ADH7: variants seen among roughly 807,000 people sequenced by gnomAD.
ADH7 encodes the protein all-trans-retinol dehydrogenase [NAD(+)] ADH7.
ADH7 carries 41 observed loss-of-function variants against 34.4 expected under a neutral mutation model. That is an observed-to-expected ratio of 1.19 (90% CI 0.93 to 1.55). ADH7 has a LOEUF of 1.55. Ranked by LOEUF, ADH7 falls within the 40% of genes most tolerant of loss-of-function variation. The pLI, the probability that ADH7 is intolerant of heterozygous loss-of-function variation, is 0.00. For synonymous variants in ADH7, 180 were observed against 160.9 expected (o/e 1.12, Z -0.90); for missense variants, 540 against 461.2 (o/e 1.17, Z -1.56).
intron 7 of ADH7, among the ~76,000 whole-genome samples, chr4:99,418,243 T>A (rs1721567851): frequency 6.6e-6 from 1 of 152,210 alleles, no homozygotes; most frequent in African/African-American, 2.4e-5. Flanking sequence ...TGTTTTTGTA[T>A]CCTTCGCTAC....
At chr4:99,424,388 G>A (rs374303152) in intron 5 of ADH7, among the ~76,000 whole-genome samples, 24 of 151,992 alleles carry the variant, frequency 1.6e-4, no homozygotes, top group Non-Finnish European at 2.5e-4. Context: ...ATATGAACTT[G>A]AAAGTAGTTT....
In ADH7 at chr4:99,415,488, A is replaced by T; in HGVS notation, c.1090T>A (p.Ser364Thr). The change falls in exon 8 of 9, where the codon TCA becomes ACA. Residue 364 changes from serine to threonine, a missense_variant. Coordinates refer to ENST00000437033, the MANE Select transcript of ADH7 (RefSeq NM_000673.7). ...ATAAGAAACAGTTACCTTTGTCCTGAATTGAGCAGCTCAAATCCTTCACTG... is the reference window on the plus strand; with the variant it reads ...ATAAGAAACAGTTACCTTTGTCCTGTATTGAGCAGCTCAAATCCTTCACTG... ...KISEGFELLN[S>T]GQSIRTVLTF is the part of the protein sequence containing the mutation. The T allele has an allele frequency of 6.2e-7, 1 of 1,612,522 alleles. No homozygotes were observed. The highest frequency in any genetic ancestry group is 1.1e-5 in the South Asian group (1 of 90,708).
chr4:99,420,676 T>A lies in ADH7; in HGVS notation c.682A>T (p.Lys228Ter), dbSNP rs752766164. Reference sequence around the variant, plus strand: ...CCTACAGCCATGGCCTTCTCAAATTTGTCTTTGTTGAGGTCAATCCCAATG... The same window carrying A: ...CCTACAGCCATGGCCTTCTCAAATTAGTCTTTGTTGAGGTCAATCCCAATG... ...RIIGIDLNKDKFEKAMAVGAT... is the reference protein window; with the variant it reads ...RIIGIDLNKD The change falls in exon 6 of 9, where the codon AAA becomes TAA. Residue 228 changes from lysine (K) to a stop codon, truncating the protein, a stop_gained. Coordinates refer to ENST00000437033, the MANE Select transcript of ADH7 (RefSeq NM_000673.7). LOFTEE classifies it high-confidence loss of function. The A allele has an allele frequency of 6.2e-7, 1 of 1,613,832 alleles. No homozygotes were observed. The highest frequency in any genetic ancestry group is 1.1e-5 in the South Asian group (1 of 91,082).
chr4:99,428,574 C>T lies in ADH7; in HGVS notation c.177G>A (p.Val59=). The change falls in exon 3 of 9, where the codon GTG becomes GTA. Residue 59 remains valine (V), a synonymous_variant. Transcript: ENST00000437033. The part of the protein sequence containing the change: ...TDDHVIKGTM[V]SKFPVIVGHE... ...GTCCCACAATCACTGGAAACTTGGA[C>T]ACCATTGTTCCTTTTATCACATGGT... is the stretch of plus-strand genomic sequence containing the variant. The T allele has an allele frequency of 6.2e-7, 1 of 1,613,902 alleles. No individual in the cohort carries two copies. The highest frequency in any genetic ancestry group is 8.5e-7 in the Non-Finnish European group (1 of 1,179,856).
chr4:99,416,207 A>G (rs1721512149), intron 7 of ADH7, among the ~76,000 whole-genome samples: 2 of 152,272 alleles, frequency 1.3e-5, no homozygotes, highest in South Asian at 4.2e-4. Context: ...ATCTCCTTCC[A>G]GTCACCCCAT....
intron 5 of ADH7, among the ~76,000 whole-genome samples, chr4:99,424,238 A>G (rs1383080583): frequency 6.6e-6 from 1 of 152,176 alleles, no homozygotes; most frequent in African/African-American, 2.4e-5. Context: ...ATTGATCTAC[A>G]TCTCTGTTTT....
At position 99,412,997 on chromosome 4, in the gene ADH7, T is replaced by C. The variant is rs1721440608; in HGVS notation, c.*151A>G. 7.4e-6 allele frequency: 5 copies of C among 678,062 alleles called. No homozygotes were observed. The highest frequency in any genetic ancestry group is 2.2e-5 in the South Asian group (1 of 44,840). 42.0% of individuals were successfully genotyped at this position (678,062 alleles called of 1,614,324 possible). On this transcript the variant is annotated 3_prime_UTR_variant, in exon 9 of 9. Transcript: ENST00000437033. ...ACAAGACTTTAAATGTTTATAAAGG[T>C]TAATAATTCTTTATAAGGGTTCTAT...
At chr4:99,417,018 G>A (rs1262540755) in intron 7 of ADH7, among the ~76,000 whole-genome samples, 2 of 152,086 alleles carry the variant, frequency 1.3e-5, no homozygotes, top group African/African-American at 2.4e-5. Context: ...TCTTCAAAAT[G>A]TATCCAAGAG....
chr4:99,415,479 T>C lies in ADH7; in HGVS notation c.1099A>G (p.Ser367Gly), dbSNP rs986687026. 6.8e-6 allele frequency: 11 copies of C among 1,610,840 alleles called. No individual in the cohort carries two copies. The highest frequency in any genetic ancestry group is 8.5e-6 in the Non-Finnish European group (10 of 1,178,474). Residue 367 changes from serine (S) to glycine (G), a missense_variant and splice_region_variant, in exon 8 of 9, where the codon AGC becomes GGC. Physicochemically the swap from Ser to Gly is moderately conservative, Grantham distance 56 (BLOSUM62 0). Coordinates refer to ENST00000437033, the MANE Select transcript of ADH7 (RefSeq NM_000673.7). ...EGFELLNSGQ[S>G]IRTVLTF ...AAGATCATCATAAGAAACAGTTACCTTTGTCCTGAATTGAGCAGCTCAAAT... is the reference window on the plus strand; with the variant it reads ...AAGATCATCATAAGAAACAGTTACCCTTGTCCTGAATTGAGCAGCTCAAAT...
In ADH7 at chr4:99,432,187, C is replaced by T. The variant is rs983168126; in HGVS notation, c.19-2554G>A. On this transcript the variant is annotated intron_variant, in intron 1 of 8. Coordinates refer to ENST00000437033, the MANE Select transcript of ADH7 (RefSeq NM_000673.7). ...CAGGGACATGGAAGGAGCTGGAGGC[C>T]ATTATCCTGAGCAAACGAATGCAGA... 1.3e-5 allele frequency among the ~76,000 whole-genome samples: 2 copies of T among 152,082 alleles called. 1 individual carries two copies. Among genetic ancestry groups the T allele is most frequent in the Admixed American group, 1.3e-4 (2 of 15,264 alleles).
At chr4:99,430,495 T>C (rs1466247061) in intron 1 of ADH7, among the ~76,000 whole-genome samples, 1 of 152,242 alleles carries the variant, frequency 6.6e-6, no homozygotes. Context: ...TCCTATAAAA[T>C]ATTTTAATTA....
chr4:99,423,143 T>C (rs1721707945), intron 5 of ADH7, among the ~76,000 whole-genome samples: 1 of 150,680 alleles, frequency 6.6e-6, no homozygotes, highest in African/African-American at 2.4e-5. Flanking sequence ...TTTTTTGTCC[T>C]TGTGATAGTT....
intron 8 of ADH7, among the ~76,000 whole-genome samples, chr4:99,414,722 T>C (rs1424030574): frequency 4.6e-5 from 7 of 152,144 alleles, no homozygotes; most frequent in Non-Finnish European, 2.9e-5. Context: ...ACAACCTTGG[T>C]CTTCATCTAA....
chr4:99,429,699 G>T (rs1445767339), intron 1 of ADH7, 66 bp from the exon 2 acceptor site: 7 of 1,088,246 alleles, frequency 6.4e-6, no homozygotes, highest in Admixed American at 2.3e-5. Context: ...TCCCTGACTA[G>T]TATAAATATG....
At chr4:99,417,048 C>T (rs957362372) in intron 7 of ADH7, among the ~76,000 whole-genome samples, 1 of 152,042 alleles carries the variant, frequency 6.6e-6, no homozygotes, top group Non-Finnish European at 1.5e-5. Flanking sequence ...TCTCACCAGC[C>T]CCATCACTCC....
chr4:99,426,203 T>A (rs1013643051), intron 5 of ADH7, among the ~76,000 whole-genome samples: 2 of 151,908 alleles, frequency 1.3e-5, no homozygotes, highest in Non-Finnish European at 1.5e-5. Flanking sequence ...AAGAAATAAC[T>A]AAAATCACAG....
Position 99,420,105 on chromosome 4 carries a change from G to A in ADH7, c.825+428C>T, listed in dbSNP as rs999921297. Among the ~76,000 whole-genome samples the A allele has an allele frequency of 7.2e-5, 11 of 152,298 alleles. No homozygotes were observed. In the South Asian group the frequency reaches 1.2e-3, roughly 17 times the overall value. ...AAGCTCAGATGTAAAGAGTGAGAAG[G>A]TCGATGGATCACAGATTTGGGGGAA... On this transcript the variant is annotated intron_variant, in intron 6 of 8. Coordinates refer to ENST00000437033, the MANE Select transcript of ADH7 (RefSeq NM_000673.7).
At chr4:99,424,370 T>G (rs1325396742) in intron 5 of ADH7, among the ~76,000 whole-genome samples, 1 of 152,258 alleles carries the variant, frequency 6.6e-6, no homozygotes, top group Non-Finnish European at 1.5e-5. Context: ...ATGCTCTTTT[T>G]TGGTTCCATA....
rs567630856 is a variant in ADH7, at chr4:99,427,879, T to C, written c.458A>G (p.Asp153Gly). The C allele has an allele frequency of 1.2e-5, 20 of 1,613,892 alleles. No homozygotes were observed. In the Admixed American group the frequency reaches 2.7e-4, roughly 22 times the overall value. The change falls in exon 5 of 9, where the codon GAT becomes GGT. Residue 153 changes from aspartate to glycine, a missense_variant. Transcript: ENST00000437033. ...TSTFTEYTVVDESSVAKIDDA... is the reference protein window; with the variant it reads ...TSTFTEYTVVGESSVAKIDDA... ...ATCAATCTTAGCAACAGAAGATTCA[T>C]CCACCACTGTGTACTCGGTAAATGT...
Sources: allele counts gnomAD v4.1 joint callset (sites outside exome capture counted in the v4.1 genomes callset), GRCh38; gene constraint gnomAD v4.1.1; transcripts MANE v1.5; gene names NCBI Gene and HGNC (gene_info 2026-07-23, HGNC 2026-07-21).